Variants in AVEN observed in about 807,000 individuals in gnomAD.
The protein encoded by AVEN is apoptosis and caspase activation inhibitor, also known as cell death regulator Aven.
Under a neutral mutation model 38.1 loss-of-function variants are expected in AVEN, and 41 were observed. The observed-to-expected ratio is 1.08, with a 90% CI of 0.84 to 1.40. AVEN has a LOEUF of 1.40. Ranked by LOEUF, AVEN falls within the 40% of genes most tolerant of loss-of-function variation. The pLI is 0.00. For missense variants in AVEN, 605 were observed against 438.8 expected (o/e 1.38, Z -3.38); for synonymous variants, 206 against 171.8 (o/e 1.20, Z -1.56).
chr15:33,966,541 C>T (rs551949741), intron 2 of AVEN, among the ~76,000 whole-genome samples: 98 of 152,248 alleles, frequency 6.4e-4, no homozygotes, highest in African/African-American at 2.3e-3. Context: ...GGAGCACGGT[C>T]CTCAGCAGTG....
intron 2 of AVEN, among the ~76,000 whole-genome samples, chr15:33,904,399 A>G (rs1892602209): frequency 6.6e-6 from 1 of 152,132 alleles, no homozygotes. Flanking sequence ...AAGCCTAGGC[A>G]ACAGAGTAAG....
intron 2 of AVEN, among the ~76,000 whole-genome samples, chr15:33,951,083 G>C (rs766170869): frequency 1.3e-5 from 2 of 151,596 alleles, no homozygotes; most frequent in Non-Finnish European, 2.9e-5. Flanking sequence ...AGAGGCGAGT[G>C]GGGGGAGGAA....
chr15:34,017,281 A>C (rs1476063733), intron 1 of AVEN, among the ~76,000 whole-genome samples: 3 of 152,120 alleles, frequency 2.0e-5, no homozygotes, highest in East Asian at 1.9e-4. Flanking sequence ...AGCAAAGCAA[A>C]CACCACCACC....
chr15:34,030,122 C>T (rs1385693245), intron 1 of AVEN, among the ~76,000 whole-genome samples: 1 of 151,980 alleles, frequency 6.6e-6, no homozygotes, highest in Non-Finnish European at 1.5e-5. Flanking sequence ...GGCATGGTGG[C>T]ACATGTCTGT....
intron 5 of AVEN, among the ~76,000 whole-genome samples, chr15:34,048,189 A>T (rs1170416509): frequency 6.6e-6 from 1 of 152,240 alleles, no homozygotes; most frequent in Non-Finnish European, 1.5e-5. Flanking sequence ...CTGCTTCTTT[A>T]AGCAGGACCC....
At chr15:33,942,785 C>A (rs913828090) in intron 2 of AVEN, among the ~76,000 whole-genome samples, 1 of 152,114 alleles carries the variant, frequency 6.6e-6, no homozygotes, top group Admixed American at 6.5e-5. Context: ...TGCATGAATT[C>A]TTCTCAATTA....
chr15:34,061,171 G>C, intron 5 of AVEN, among the ~76,000 whole-genome samples: 1 of 152,136 alleles, frequency 6.6e-6, no homozygotes, highest in East Asian at 1.9e-4. Context: ...TGGGGAGCTT[G>C]CAAGCTTGGA....
At chr15:33,857,063 A>C (rs893746053), downstream of AVEN, among the ~76,000 whole-genome samples, 12 of 152,162 alleles carry the variant, frequency 7.9e-5, 1 homozygote, top group African/African-American at 2.9e-4. Flanking sequence ...ATCCCTCCTC[A>C]CAGCACCTGC....
At chr15:33,862,375 ATT>A (rs11350081), downstream of AVEN, among the ~76,000 whole-genome samples, 6 of 150,906 alleles carry the variant, frequency 4.0e-5, no homozygotes, top group Admixed American at 6.6e-5. Context: ...GCACCAGCTA[ATT>A]TTTTTTTTTG....
chr15:34,003,926 A>C lies in AVEN; in HGVS notation c.268-717T>G, dbSNP rs576036921. On this transcript the variant is annotated intron_variant, in intron 1 of 5. Coordinates refer to ENST00000306730, the MANE Select transcript of AVEN (RefSeq NM_020371.3). ...CATTCTGATGTTATATATTGACTCA[A>C]ATCTATTTTTAAATATTGAGAGGAG... Among the ~76,000 whole-genome samples the C allele has an allele frequency of 2.0e-5, 3 of 152,324 alleles. No individual in the cohort carries two copies. The East Asian group carries it at 5.8e-4, about 29-fold the overall frequency.
At chr15:34,009,112 G>A (rs1897519050) in intron 1 of AVEN, among the ~76,000 whole-genome samples, 1 of 151,830 alleles carries the variant, frequency 6.6e-6, no homozygotes, top group South Asian at 2.1e-4. Flanking sequence ...TATTCAAAGT[G>A]TTGCTAGGAA....
chr15:33,937,222 A>T (rs553858795), intron 2 of AVEN, among the ~76,000 whole-genome samples: 1 of 151,206 alleles, frequency 6.6e-6, no homozygotes, highest in Admixed American at 6.6e-5. Flanking sequence ...TGCTGGGGCA[A>T]CTGTTAGCAA....
chr15:33,864,027 T>C, downstream of AVEN: 1 of 709,856 alleles, frequency 1.4e-6, no homozygotes, highest in Non-Finnish European at 2.5e-6. Context: ...TTTAAGTCAC[T>C]GTAGATAGCG....
intron 1 of AVEN, among the ~76,000 whole-genome samples, chr15:34,028,578 A>T (rs1898608517): frequency 6.6e-6 from 1 of 152,182 alleles, no homozygotes; most frequent in Non-Finnish European, 1.5e-5. Context: ...AACAAACAAC[A>T]ACAACAACAA....
intron 2 of AVEN, among the ~76,000 whole-genome samples, chr15:33,883,494 T>C (rs1423400116): frequency 6.6e-6 from 1 of 152,158 alleles, no homozygotes; most frequent in Non-Finnish European, 1.5e-5. Context: ...GGTCTGTATG[T>C]ACTGACACAG....
intron 2 of AVEN, among the ~76,000 whole-genome samples, chr15:33,910,205 G>T (rs544484821): frequency 2.0e-5 from 3 of 151,960 alleles, no homozygotes; most frequent in South Asian, 2.1e-4. Context: ...TGGCTTCCCT[G>T]TAAGACATAT....
chr15:33,937,514 CAG>C (rs1390627468), intron 2 of AVEN, among the ~76,000 whole-genome samples: 1 of 147,884 alleles, frequency 6.8e-6, no homozygotes, highest in Non-Finnish European at 1.5e-5. Context: ...GCCTGGGCGA[CAG>C]AGCGAGACTC....
At chr15:34,012,191 G>A (rs1166396604) in intron 1 of AVEN, among the ~76,000 whole-genome samples, 1 of 152,104 alleles carries the variant, frequency 6.6e-6, no homozygotes, top group Non-Finnish European at 1.5e-5. Flanking sequence ...GCATTAAATG[G>A]TCCTATATAA....
chr15:34,050,490 C>T (rs1899894007), intron 5 of AVEN, among the ~76,000 whole-genome samples: 1 of 152,164 alleles, frequency 6.6e-6, no homozygotes, highest in African/African-American at 2.4e-5. Context: ...GGATCAAATT[C>T]ACACATAACC....
Sources: allele counts gnomAD v4.1 joint callset (sites outside exome capture counted in the v4.1 genomes callset), GRCh38; gene constraint gnomAD v4.1.1; transcripts MANE v1.5; gene names NCBI Gene and HGNC (gene_info 2026-07-23, HGNC 2026-07-21).